DDX59: variants seen among roughly 807,000 people sequenced by gnomAD.
The protein encoded by DDX59 is DEAD-box helicase 59.
A neutral mutation model predicts 51.9 loss-of-function variants in DDX59; 30 were observed. The ratio of observed to expected loss-of-function variants is 0.58; its 90% confidence interval spans 0.43 to 0.78. The LOEUF (loss-of-function observed/expected upper bound fraction) is 0.78. Among genes scored for constraint, DDX59 ranks in the 30% least tolerant of loss-of-function variants. DDX59 has a pLI of 0.00. For synonymous variants in DDX59, 255 were observed against 253.3 expected (o/e 1.01, Z -0.06); for missense variants, 672 against 730.8 (o/e 0.92, Z 0.93).
chr1:200,659,054 A>C lies in DDX59; in HGVS notation c.1035T>G (p.Cys345Trp), dbSNP rs778317605. 1.3e-4 allele frequency: 217 copies of C among 1,613,420 alleles called. No individual in the cohort carries two copies. Among genetic ancestry groups the C allele is most frequent in the Non-Finnish European group, 1.8e-4 (212 of 1,179,734 alleles). The change falls in exon 4 of 8, where the codon TGT becomes TGG. Residue 345 changes from cysteine to tryptophan, a missense_variant. Coordinates refer to ENST00000331314, the MANE Select transcript of DDX59 (RefSeq NM_001031725.6). The stretch of plus-strand genomic sequence containing the variant: ...CATCTACTACCACAATCTTTACACC[A>C]CAGAGTTCTACAGAGCTCTGCTTTA... ...DIIKQSSVEL[C>W]GVKIVVVDEA...
At chr1:200,658,286 A>C (rs570317356) in intron 4 of DDX59, among the ~76,000 whole-genome samples, 2 of 152,312 alleles carry the variant, frequency 1.3e-5, no homozygotes, top group African/African-American at 4.8e-5. Flanking sequence ...CTGAGAAACA[A>C]CACTTTTACT....
chr1:200,660,494 C>A (rs1218899207), intron 3 of DDX59, among the ~76,000 whole-genome samples: 1 of 152,006 alleles, frequency 6.6e-6, no homozygotes, highest in African/African-American at 2.4e-5. Context: ...GAGGAGAGTG[C>A]AGGGTGGAGT....
At chr1:200,662,181 G>T (rs796209663) in intron 3 of DDX59, among the ~76,000 whole-genome samples, 4 of 152,094 alleles carry the variant, frequency 2.6e-5, no homozygotes, top group African/African-American at 9.7e-5. Flanking sequence ...CTTTATAGCA[G>T]TGCAAGCATG....
chr1:200,646,519 C>T (rs909688408), intron 7 of DDX59, among the ~76,000 whole-genome samples: 2 of 152,124 alleles, frequency 1.3e-5, no homozygotes, highest in Admixed American at 6.6e-5. Context: ...TAATGTTCAA[C>T]ATCATTAGTC....
chr1:200,649,168 T>A lies in DDX59; in HGVS notation c.1373A>T (p.Asp458Val), dbSNP rs1661487067. The A allele has an allele frequency of 6.3e-7, 1 of 1,599,314 alleles. No individual in the cohort carries two copies. Reference sequence around the variant, plus strand: ...TTTCTGAACGGCTTCACTCAAAAGATCTGCTCCTAGTTTGCAGTCCACAAA... The same window carrying A: ...TTTCTGAACGGCTTCACTCAAAAGAACTGCTCCTAGTTTGCAGTCCACAAA... ...LVFVDCKLGA[D>V]LLSEAVQKIT... is the part of the protein sequence containing the mutation. Residue 458 changes from aspartate to valine, a missense_variant, in exon 6 of 8, where the codon GAT becomes GTT. Asp to Val is a radical substitution (Grantham distance 152). Coordinates refer to ENST00000331314, the MANE Select transcript of DDX59 (RefSeq NM_001031725.6).
chr1:200,659,835 G>A (rs978959286), intron 3 of DDX59, among the ~76,000 whole-genome samples: 1 of 152,032 alleles, frequency 6.6e-6, no homozygotes, highest in Non-Finnish European at 1.5e-5. Flanking sequence ...TTACAGGCAT[G>A]CCACCACACC....
At chr1:200,642,682 C>T (rs1249830185), downstream of DDX59, among the ~76,000 whole-genome samples, 2 of 152,086 alleles carry the variant, frequency 1.3e-5, no homozygotes, top group South Asian at 2.1e-4. Context: ...AATTGTGTGG[C>T]GAGAGGGAAG....
At chr1:200,665,569 A>G (rs1311457954) in intron 2 of DDX59, among the ~76,000 whole-genome samples, 1 of 152,218 alleles carries the variant, frequency 6.6e-6, no homozygotes, top group Non-Finnish European at 1.5e-5. Flanking sequence ...TCTTCAAAAC[A>G]CAAAATCCAA....
At chr1:200,641,686 T>C (rs1661054943), downstream of DDX59, among the ~76,000 whole-genome samples, 1 of 151,914 alleles carries the variant, frequency 6.6e-6, no homozygotes, top group Admixed American at 6.6e-5. Flanking sequence ...CTGGCCAACA[T>C]GGTGAAACCT....
chr1:200,643,013 A>G (rs1661093347), downstream of DDX59, among the ~76,000 whole-genome samples: 1 of 152,170 alleles, frequency 6.6e-6, no homozygotes, highest in Non-Finnish European at 1.5e-5. Context: ...ACTATAGCTA[A>G]TATTTTTTTG....
chr1:200,669,863 C>G lies in DDX59; in HGVS notation c.-108G>C, dbSNP rs571588568. ...GGCTTCCGCCCGACAAGCCCTGACCCGCTCGTCAGGACTGCGGCCCGGGGT... is the reference window on the plus strand; with the variant it reads ...GGCTTCCGCCCGACAAGCCCTGACCGGCTCGTCAGGACTGCGGCCCGGGGT... On this transcript the variant is annotated 5_prime_UTR_variant, in exon 1 of 8. Coordinates refer to ENST00000331314, the MANE Select transcript of DDX59 (RefSeq NM_001031725.6). 2 of 151,942 alleles carry G rather than the reference C, an allele frequency of 1.3e-5. No homozygotes were observed. The highest frequency in any genetic ancestry group is 4.8e-5 in the African/African-American group (2 of 41,290). The allele number at this position is 151,942 out of a possible 1,614,324, so 9.4% of individuals were successfully genotyped here.
intron 1 of DDX59, among the ~76,000 whole-genome samples, chr1:200,669,135 C>G (rs1017082510): frequency 6.6e-6 from 1 of 152,130 alleles, no homozygotes; most frequent in Non-Finnish European, 1.5e-5. Context: ...CAACCCATAT[C>G]TATACCTTTT....
In DDX59 at chr1:200,666,221, T is replaced by C; in HGVS notation, c.520A>G (p.Ile174Val). ...ATCTGGTCTTCCTGAAGGTTCAAAA[T>C]AAAGGGGTGCTCTTTGTAGACATAG... ...ASYVYKEHPF[I>V]LNLQEDQIEN... The change falls in exon 2 of 8, where the codon ATT (isoleucine) becomes GTT (valine). Residue 174 changes from isoleucine (I) to valine (V), a missense_variant. By Grantham distance (29) the Ile-to-Val change is conservative (BLOSUM62 3). Coordinates refer to ENST00000331314, the MANE Select transcript of DDX59 (RefSeq NM_001031725.6). 6.2e-7 allele frequency: 1 copy of C among 1,614,250 alleles called. No homozygotes were observed. The highest frequency in any genetic ancestry group is 8.5e-7 in the Non-Finnish European group (1 of 1,180,034).
rs949935985 is a variant in DDX59, at chr1:200,666,249, A to C, written c.492T>G (p.Ala164=). 4 of 1,614,114 alleles carry C rather than the reference A, an allele frequency of 2.5e-6. No homozygotes were observed. Among genetic ancestry groups the C allele is most frequent in the Non-Finnish European group, 2.5e-6 (3 of 1,180,050 alleles). The change falls in exon 2 of 8, where the codon GCT becomes GCG. Residue 164 remains alanine, a synonymous_variant. Transcript: ENST00000331314. ...AGGGGTGCTCTTTGTAGACATAGGA[A>C]GCATTCAGTGGAGACTCTGGCTCAG... ...ADSEPESPLN[A]SYVYKEHPFI... is the part of the protein sequence containing the mutation.
chr1:200,649,382 A>G (rs532583934), intron 5 of DDX59, among the ~76,000 whole-genome samples, 156 bp from the exon 6 acceptor site: 1 of 152,230 alleles, frequency 6.6e-6, no homozygotes, highest in African/African-American at 2.4e-5. Flanking sequence ...TAATCTCAGC[A>G]CTTTGGGAGA....
At chr1:200,665,444 T>C (rs1662657420) in intron 2 of DDX59, among the ~76,000 whole-genome samples, 1 of 150,534 alleles carries the variant, frequency 6.6e-6, no homozygotes, top group Admixed American at 6.6e-5. Flanking sequence ...GATTGTGCCA[T>C]TGCACTCCAG....
intron 4 of DDX59, among the ~76,000 whole-genome samples, chr1:200,657,593 C>T (rs938141536): frequency 2.6e-5 from 4 of 151,904 alleles, no homozygotes; most frequent in South Asian, 2.1e-4. Flanking sequence ...ACTAAAAATA[C>T]AAAAAATTAG....
chr1:200,644,860 C>CACT (rs981572093), intron 7 of DDX59, among the ~76,000 whole-genome samples: 1 of 138,904 alleles, frequency 7.2e-6, no homozygotes, highest in African/African-American at 2.7e-5. Context: ...CGTGCCACTG[C>CACT]ACTCCAGCCT....
At chr1:200,641,911 G>C (rs1661061044), downstream of DDX59, among the ~76,000 whole-genome samples, 1 of 152,182 alleles carries the variant, frequency 6.6e-6, no homozygotes. Context: ...GCTGAGGCAG[G>C]AGAATCACTT....
Sources: gnomAD v4.1 joint callset for allele counts (sites outside exome capture counted in the v4.1 genomes callset) on GRCh38, gnomAD v4.1.1 for gene constraint, MANE v1.5 for transcripts, NCBI Gene and HGNC (gene_info 2026-07-23, HGNC 2026-07-21) for gene names.